Variants in SGCZ observed in about 807,000 individuals in gnomAD.
SGCZ encodes the protein zeta-sarcoglycan.
In SGCZ, 40 loss-of-function variants were observed where a neutral mutation model predicts 41.3. That is an observed-to-expected ratio of 0.97 (90% confidence interval 0.75 to 1.26). The LOEUF (loss-of-function observed/expected upper bound fraction) is 1.26, where lower values mean the gene tolerates loss of function less well. Among genes scored for constraint, SGCZ ranks in the 50% most tolerant of loss-of-function variants. SGCZ has a pLI of 0.00. For missense variants in SGCZ, 552 were observed against 369.8 expected, an observed-to-expected ratio of 1.49 and a Z score of -4.04; for synonymous variants, 206 against 137.5, an observed-to-expected ratio of 1.50 and a Z score of -3.49.
At chr8:14,837,484 G>C (rs1227612897) in intron 1 of SGCZ, among the ~76,000 whole-genome samples, 1 of 152,112 alleles carries the variant, frequency 6.6e-6, no homozygotes, top group Non-Finnish European at 1.5e-5. Context: ...TGCTCATATA[G>C]GGACTACATT....
At chr8:14,309,739 C>G in intron 3 of SGCZ, 1 of 1,598,372 alleles carries the variant, frequency 6.3e-7, no homozygotes, top group Admixed American at 1.7e-5. Flanking sequence ...GGAGCTGAAC[C>G]AAAGCCTCTT....
intron 1 of SGCZ, among the ~76,000 whole-genome samples, chr8:14,881,621 C>T (rs1187754572): frequency 6.6e-6 from 1 of 152,218 alleles, no homozygotes; most frequent in Middle Eastern, 3.4e-3. Context: ...ATCTCCCACA[C>T]AATAATAGTG....
At chr8:15,158,248 CTCTT>C (rs1799396336) in intron 1 of SGCZ, among the ~76,000 whole-genome samples, 2 of 151,946 alleles carry the variant, frequency 1.3e-5, no homozygotes, top group Non-Finnish European at 1.5e-5. Flanking sequence ...TACCAGGTTT[CTCTT>C]TCTGTTTATC....
At chr8:14,220,960 T>C (rs918048772) in intron 4 of SGCZ, among the ~76,000 whole-genome samples, 1 of 151,888 alleles carries the variant, frequency 6.6e-6, no homozygotes, top group Non-Finnish European at 1.5e-5. Flanking sequence ...CAATCCTGAG[T>C]CTTTGGACAT....
At chr8:14,603,327 A>G (rs1805651762) in intron 1 of SGCZ, among the ~76,000 whole-genome samples, 1 of 152,188 alleles carries the variant, frequency 6.6e-6, no homozygotes, top group Non-Finnish European at 1.5e-5. Context: ...TGAAAACAAT[A>G]TATCAGTTAA....
chr8:14,975,905 C>T (rs890160919), intron 1 of SGCZ, among the ~76,000 whole-genome samples: 9 of 146,118 alleles, frequency 6.2e-5, no homozygotes, highest in African/African-American at 2.3e-4. Context: ...CATATATATA[C>T]ACACACATAT....
At chr8:14,457,960 T>G (rs978368257) in intron 2 of SGCZ, among the ~76,000 whole-genome samples, 11 of 152,182 alleles carry the variant, frequency 7.2e-5, no homozygotes, top group Non-Finnish European at 8.8e-5. Context: ...TTCTACACTC[T>G]CTCGTCACCA....
intron 1 of SGCZ, among the ~76,000 whole-genome samples, chr8:15,014,460 C>G (rs1802950908): frequency 6.6e-6 from 1 of 152,154 alleles, no homozygotes; most frequent in Non-Finnish European, 1.5e-5. Flanking sequence ...CATATCTTCC[C>G]TAAGCACCTA....
At chr8:14,626,371 G>A (rs1003688360) in intron 1 of SGCZ, among the ~76,000 whole-genome samples, 3 of 151,878 alleles carry the variant, frequency 2.0e-5, no homozygotes, top group Non-Finnish European at 4.4e-5. Flanking sequence ...TGTTCTTACT[G>A]TTTAGTTCCC....
chr8:14,437,043 T>C (rs932022949), intron 2 of SGCZ, among the ~76,000 whole-genome samples: 4 of 152,192 alleles, frequency 2.6e-5, no homozygotes, highest in Non-Finnish European at 5.9e-5. Flanking sequence ...CTCCCAGAAT[T>C]AAAATACTTT....
intron 2 of SGCZ, among the ~76,000 whole-genome samples, chr8:14,450,231 C>G (rs1800552499): frequency 6.6e-6 from 1 of 152,206 alleles, no homozygotes; most frequent in African/African-American, 2.4e-5. Flanking sequence ...CAACTTAATT[C>G]TCTGTCAGTG....
At chr8:14,558,090 G>A (rs1804088019) in intron 1 of SGCZ, among the ~76,000 whole-genome samples, 1 of 152,000 alleles carries the variant, frequency 6.6e-6, no homozygotes, top group South Asian at 2.1e-4. Context: ...TTCCCAAAAA[G>A]ATACAACCTT....
intron 2 of SGCZ, among the ~76,000 whole-genome samples, chr8:14,527,388 A>C (rs10098368): frequency 6.6e-6 from 1 of 152,044 alleles, no homozygotes; most frequent in African/African-American, 2.4e-5. Flanking sequence ...TGCAACCTCA[A>C]ACTCCTGGGC....
chr8:14,474,228 T>G (rs946717503), intron 2 of SGCZ, among the ~76,000 whole-genome samples: 1 of 152,180 alleles, frequency 6.6e-6, no homozygotes, highest in African/African-American at 2.4e-5. Flanking sequence ...GCTAAACACA[T>G]GAAAACGAGA....
intron 7 of SGCZ, among the ~76,000 whole-genome samples, chr8:14,095,466 C>G (rs1016335075): frequency 6.6e-6 from 1 of 152,102 alleles, no homozygotes; most frequent in African/African-American, 2.4e-5. Context: ...GGCCGCTGTT[C>G]TGTTTTGGTA....
chr8:14,721,936 C>G (rs1355390811), intron 1 of SGCZ, among the ~76,000 whole-genome samples: 3 of 152,130 alleles, frequency 2.0e-5, no homozygotes, highest in Non-Finnish European at 4.4e-5. Flanking sequence ...ATTCTCACAC[C>G]TTAGGAGTAT....
intron 1 of SGCZ, chr8:14,879,292 C>T (rs1426184126): frequency 1.3e-5 from 2 of 152,090 alleles, no homozygotes; most frequent in Non-Finnish European, 2.9e-5. Flanking sequence ...TATGCCACCT[C>T]ACTCCAGCCT....
chr8:14,240,327 C>CAAAAAAAAAAAAAAAAAAAAAAAAAAAA (rs59351247), intron 3 of SGCZ, among the ~76,000 whole-genome samples: 48 of 115,220 alleles, frequency 4.2e-4, no homozygotes, highest in Middle Eastern at 4.7e-3. Context: ...AACTCTGTGT[C>CAAAAAAAAAAAAAAAAAAAAAAAAAAAA]AAAAAAAAAA....
intron 1 of SGCZ, among the ~76,000 whole-genome samples, chr8:14,582,789 G>A (rs1245236853): frequency 1.3e-5 from 2 of 150,802 alleles, no homozygotes; most frequent in African/African-American, 2.4e-5. Context: ...ATAGTTTACT[G>A]AGAATGATGA....
Sources: gnomAD v4.1 joint callset for allele counts (sites outside exome capture counted in the v4.1 genomes callset) on GRCh38, gnomAD v4.1.1 for gene constraint, MANE v1.5 for transcripts, NCBI Gene and HGNC (gene_info 2026-07-23, HGNC 2026-07-21) for gene names.